HS6ST3: variants seen among roughly 807,000 people sequenced by gnomAD.
HS6ST3 encodes heparan sulfate 6-O-sulfotransferase 3, also known as heparan-sulfate 6-O-sulfotransferase 3.
A neutral mutation model predicts 36.7 loss-of-function variants in HS6ST3; 12 were observed. The observed-to-expected ratio is 0.33, with a 90% CI of 0.21 to 0.53. HS6ST3 has a LOEUF of 0.53. Ranked by LOEUF, HS6ST3 falls within the 20% of genes least tolerant of loss-of-function variation. The pLI, the probability that HS6ST3 is intolerant of heterozygous loss-of-function variation, is 0.95. For synonymous variants in HS6ST3, 240 were observed against 257.5 expected (o/e 0.93, Z 0.65); for missense variants, 584 against 640.9 (o/e 0.91, Z 0.96).
chr13:96,428,332 C>T (rs961646852), intron 1 of HS6ST3, among the ~76,000 whole-genome samples: 11 of 152,124 alleles, frequency 7.2e-5, no homozygotes, highest in Non-Finnish European at 1.2e-4. Flanking sequence ...GGCGACAGAG[C>T]GAGACTCCGT....
At chr13:96,386,120 A>G (rs1345388785) in intron 1 of HS6ST3, among the ~76,000 whole-genome samples, 3 of 152,270 alleles carry the variant, frequency 2.0e-5, no homozygotes, top group Non-Finnish European at 4.4e-5. Context: ...GATCCATAAG[A>G]GAAAACATCT....
chr13:96,157,840 A>G (rs1253119092), intron 1 of HS6ST3, among the ~76,000 whole-genome samples: 1 of 152,212 alleles, frequency 6.6e-6, no homozygotes, highest in Admixed American at 6.5e-5. Context: ...TACCAGACAG[A>G]TGGATTAGCT....
intron 1 of HS6ST3, among the ~76,000 whole-genome samples, chr13:96,452,842 G>T (rs919628973): frequency 6.6e-6 from 1 of 151,998 alleles, no homozygotes; most frequent in South Asian, 2.1e-4. Flanking sequence ...TAGAGAATCC[G>T]TAGGAACTTT....
chr13:96,260,653 T>C (rs1471427938), intron 1 of HS6ST3, among the ~76,000 whole-genome samples: 1 of 150,566 alleles, frequency 6.6e-6, no homozygotes, highest in Non-Finnish European at 1.5e-5. Flanking sequence ...TTTTCTTTTT[T>C]TTTTTAGATA....
At chr13:96,715,809 A>G (rs1875681320) in intron 1 of HS6ST3, among the ~76,000 whole-genome samples, 1 of 152,154 alleles carries the variant, frequency 6.6e-6, no homozygotes. Context: ...GTTCATATAC[A>G]GTTTTAAGAA....
At chr13:96,191,697 C>G (rs1018058857) in intron 1 of HS6ST3, among the ~76,000 whole-genome samples, 4 of 152,176 alleles carry the variant, frequency 2.6e-5, no homozygotes, top group Non-Finnish European at 5.9e-5. Context: ...ATCTGAAAGG[C>G]CTGAAACGGT....
chr13:96,781,898 G>A (rs1315948490), intron 1 of HS6ST3, among the ~76,000 whole-genome samples: 1 of 151,984 alleles, frequency 6.6e-6, no homozygotes, highest in African/African-American at 2.4e-5. Flanking sequence ...GTTATTAGTC[G>A]GTTGTCAAAC....
At chr13:96,279,882 T>C (rs887768214) in intron 1 of HS6ST3, among the ~76,000 whole-genome samples, 16 of 152,206 alleles carry the variant, frequency 1.1e-4, no homozygotes, top group African/African-American at 3.6e-4. Flanking sequence ...CATAAAACTA[T>C]ATTTTTTGCT....
At chr13:96,127,401 T>A (rs547012404) in intron 1 of HS6ST3, among the ~76,000 whole-genome samples, 1 of 152,364 alleles carries the variant, frequency 6.6e-6, no homozygotes, top group South Asian at 2.1e-4. Flanking sequence ...TTCTTGCATG[T>A]GCAGTTTACA....
Position 96,832,926 on chromosome 13 carries a change from A to T in HS6ST3, c.1144A>T (p.Thr382Ser). The T allele has an allele frequency of 6.2e-7, 1 of 1,614,076 alleles. No individual in the cohort carries two copies. The highest frequency in any genetic ancestry group is 8.5e-7 in the Non-Finnish European group (1 of 1,179,984). Reference protein sequence around the residue: ...FISPFTQFNITRASNVEINEG... With the variant: ...FISPFTQFNISRASNVEINEG... ...CTCCCCCTTCACACAGTTCAACATC[A>T]CGCGGGCTTCTAACGTGGAGATCAA... The change falls in exon 2 of 2, where the codon ACG becomes TCG. Residue 382 changes from threonine (T) to serine (S), a missense_variant. Physicochemically the swap from Thr to Ser is moderately conservative, Grantham distance 58. Transcript: ENST00000376705.
intron 1 of HS6ST3, among the ~76,000 whole-genome samples, chr13:96,481,668 G>A (rs772199384): frequency 6.6e-6 from 1 of 151,946 alleles, no homozygotes; most frequent in Non-Finnish European, 1.5e-5. Context: ...CTGCCCCTCC[G>A]CTCTCCAGCT....
intron 1 of HS6ST3, among the ~76,000 whole-genome samples, chr13:96,595,834 A>T (rs1676559195): frequency 6.8e-6 from 1 of 147,432 alleles, no homozygotes; most frequent in African/African-American, 2.5e-5. Flanking sequence ...GCATTTTTTT[A>T]ATTTCTTTTT....
At chr13:96,221,173 AACT>A (rs1294950590) in intron 1 of HS6ST3, among the ~76,000 whole-genome samples, 22 of 152,190 alleles carry the variant, frequency 1.4e-4, no homozygotes, top group Admixed American at 1.4e-3. Flanking sequence ...TTGGTTGAGA[AACT>A]ACTTTGTGAT....
rs368956136 is a variant in HS6ST3 at position 96,293,809 on chromosome 13, G to A, written c.707+202240G>A. 5.3e-5 allele frequency among the ~76,000 whole-genome samples: 8 copies of A among 152,036 alleles called. No individual in the cohort carries two copies. In the East Asian group the frequency reaches 1.4e-3, roughly 26 times the overall value. ...TGTCTTCATGATGCACAAAGGGAGA[G>A]GCTGAGATGTCAAGGTGTGCAAACT... On this transcript the variant is annotated intron_variant, in intron 1 of 1. Coordinates refer to ENST00000376705, the MANE Select transcript of HS6ST3 (RefSeq NM_153456.4).
At chr13:96,655,169 T>C (rs2056620423) in intron 1 of HS6ST3, among the ~76,000 whole-genome samples, 1 of 152,144 alleles carries the variant, frequency 6.6e-6, no homozygotes, top group Non-Finnish European at 1.5e-5. Context: ...AATGAGCATC[T>C]TAGTTCCTTA....
At chr13:96,788,170 T>C (rs1394149874) in intron 1 of HS6ST3, among the ~76,000 whole-genome samples, 1 of 151,906 alleles carries the variant, frequency 6.6e-6, no homozygotes, top group Non-Finnish European at 1.5e-5. Flanking sequence ...TAAAATCAGA[T>C]AGTGTGAGTC....
rs531254937 is a variant in HS6ST3 at position 96,832,769 on chromosome 13, C to T, written c.987C>T (p.Asn329=). The T allele has an allele frequency of 5.1e-5, 83 of 1,614,098 alleles. 1 individual carries two copies. In the South Asian group the frequency reaches 7.7e-4, roughly 15 times the overall value. The part of the protein sequence containing the change: ...LVGCYNLTFM[N]ESERNTILLQ... ...GCTGCTATAACTTGACTTTCATGAA[C>T]GAGAGTGAAAGAAACACCATCCTGT... is the stretch of plus-strand genomic sequence containing the variant. The change falls in exon 2 of 2, where the codon AAC becomes AAT. Residue 329 remains asparagine (N), a synonymous_variant. Transcript: ENST00000376705.
chr13:96,459,332 T>C (rs2055770902), intron 1 of HS6ST3, among the ~76,000 whole-genome samples: 1 of 152,086 alleles, frequency 6.6e-6, no homozygotes, highest in African/African-American at 2.4e-5. Flanking sequence ...TATCTTGTTC[T>C]GAGCCTGAGA....
At chr13:96,499,707 G>A (rs920103281) in intron 1 of HS6ST3, among the ~76,000 whole-genome samples, 5 of 152,098 alleles carry the variant, frequency 3.3e-5, no homozygotes, top group South Asian at 4.1e-4. Context: ...TGGCATGAGC[G>A]TGTGTGACCT....
Sources: gnomAD v4.1 joint callset for allele counts (sites outside exome capture counted in the v4.1 genomes callset) on GRCh38, gnomAD v4.1.1 for gene constraint, MANE v1.5 for transcripts, NCBI Gene and HGNC (gene_info 2026-07-23, HGNC 2026-07-21) for gene names.